Variants in PARD3 observed in about 807,000 individuals in gnomAD.
The protein encoded by PARD3 is partitioning defective 3 homolog.
Under a neutral mutation model 155.4 loss-of-function variants are expected in PARD3, and 75 were observed. That is an observed-to-expected ratio of 0.48 (90% CI 0.40 to 0.58). PARD3 has a LOEUF of 0.58. Ranked by LOEUF, PARD3 falls within the 20% of genes least tolerant of loss-of-function variation. The probability of loss-of-function intolerance (pLI) is 0.00; values close to 1 mark genes in which losing one functional copy is unlikely to be tolerated. For missense variants in PARD3, 1,642 were observed against 1,721.7 expected, an observed-to-expected ratio of 0.95 and a Z score of 0.82; for synonymous variants, 576 against 610.5, an observed-to-expected ratio of 0.94 and a Z score of 0.83.
At chr10:34,167,537 C>T (rs986789138) in intron 22 of PARD3, among the ~76,000 whole-genome samples, 2 of 151,004 alleles carry the variant, frequency 1.3e-5, no homozygotes, top group Non-Finnish European at 2.9e-5. Context: ...CCCCCAAAAC[C>T]CTCAAGTCCT....
In PARD3 at chr10:34,775,353, C is replaced by CA. The variant is rs762351400; in HGVS notation, c.120+39522dup. Reference sequence around the variant, plus strand: ...GCAACAAAGCAAGACCTCATCTCTGCAAAAAAACTAGCCAGGCATGGTGGT... The same window carrying CA: ...GCAACAAAGCAAGACCTCATCTCTGCAAAAAAAACTAGCCAGGCATGGTGGT... On this transcript the variant is annotated intron_variant, in intron 1 of 24. Coordinates refer to ENST00000374788, the MANE Select transcript of PARD3 (RefSeq NM_001184785.2). 7.2e-5 allele frequency among the ~76,000 whole-genome samples: 11 copies of CA among 151,952 alleles called. No homozygotes were observed. The East Asian group carries it at 2.1e-3, about 29-fold the overall frequency.
intron 2 of PARD3, among the ~76,000 whole-genome samples, chr10:34,606,738 G>T (rs895764608): frequency 6.6e-6 from 1 of 151,734 alleles, no homozygotes; most frequent in African/African-American, 2.4e-5. Context: ...GGGAGGCCAA[G>T]GCGGGCAGAT....
At chr10:34,699,097 G>C (rs1180242640) in intron 1 of PARD3, among the ~76,000 whole-genome samples, 1 of 152,112 alleles carries the variant, frequency 6.6e-6, no homozygotes, top group Non-Finnish European at 1.5e-5. Context: ...CCAACTAACT[G>C]ATCAAGGCTT....
chr10:34,125,095 C>T (rs1208313263), intron 23 of PARD3, among the ~76,000 whole-genome samples: 1 of 129,662 alleles, frequency 7.7e-6, no homozygotes, highest in Non-Finnish European at 1.5e-5. Flanking sequence ...GAGACGGAGT[C>T]TTGCTCTTGT....
intron 19 of PARD3, among the ~76,000 whole-genome samples, chr10:34,329,559 TCCTCATCCTGCAA>T (rs1279274780): frequency 1.3e-5 from 2 of 152,050 alleles, no homozygotes; most frequent in Non-Finnish European, 2.9e-5. Context: ...GTAAATATGC[TCCTCATCCTGCAA>T]GAATGGGCTG....
intron 1 of PARD3, among the ~76,000 whole-genome samples, chr10:34,721,636 G>A (rs904629668): frequency 2.6e-5 from 4 of 152,188 alleles, no homozygotes; most frequent in East Asian, 1.9e-4. Flanking sequence ...TCCACATTGC[G>A]AATCACACAC....
chr10:34,422,191 G>GATAATAT lies in PARD3; in HGVS notation c.715-20275_715-20274insATATTAT, dbSNP rs1376236598. Among the ~76,000 whole-genome samples the GATAATAT allele has an allele frequency of 7.8e-3, 1,183 of 152,084 alleles. 14 individuals are homozygous for GATAATAT. Among genetic ancestry groups the GATAATAT allele is most frequent in the African/African-American group, 0.027 (1,120 of 41,426 alleles). ...TATCATGGATTTTAAAGTTAGAAAG[G>GATAATAT]CTGAGATTTAAAGCCAAGGTATATT... On this transcript the variant is annotated intron_variant, in intron 5 of 24. Coordinates refer to ENST00000374788, the MANE Select transcript of PARD3 (RefSeq NM_001184785.2).
chr10:34,726,533 A>C (rs1255623419), intron 1 of PARD3, among the ~76,000 whole-genome samples: 1 of 152,186 alleles, frequency 6.6e-6, no homozygotes, highest in Non-Finnish European at 1.5e-5. Flanking sequence ...CAGTGAGCCA[A>C]GATTGTGCCA....
At chr10:34,800,978 C>T (rs1169912757) in intron 1 of PARD3, among the ~76,000 whole-genome samples, 1 of 152,170 alleles carries the variant, frequency 6.6e-6, no homozygotes. Context: ...TCTTCTGCCT[C>T]GGACTAAAAT....
intron 1 of PARD3, among the ~76,000 whole-genome samples, chr10:34,717,195 G>C (rs1022850152): frequency 6.6e-6 from 1 of 152,092 alleles, no homozygotes; most frequent in Non-Finnish European, 1.5e-5. Flanking sequence ...TGACTCTGTG[G>C]TTAAGTGGCC....
intron 1 of PARD3, among the ~76,000 whole-genome samples, chr10:34,744,114 C>G (rs1164769057): frequency 6.6e-6 from 1 of 152,190 alleles, no homozygotes; most frequent in Non-Finnish European, 1.5e-5. Flanking sequence ...GACCAGTCAC[C>G]ACGCTCCTCA....
chr10:34,779,348 G>A (rs191808829), intron 1 of PARD3, among the ~76,000 whole-genome samples: 2,545 of 144,776 alleles, frequency 0.018, 26 homozygotes, highest in Non-Finnish European at 0.029. Context: ...GGTGGCTCAC[G>A]CCTGTAATCC....
At chr10:34,637,908 T>C (rs897398984) in intron 2 of PARD3, among the ~76,000 whole-genome samples, 1 of 152,192 alleles carries the variant, frequency 6.6e-6, no homozygotes, top group African/African-American at 2.4e-5. Context: ...TACAAGCATG[T>C]TTACACAGTA....
intron 22 of PARD3, among the ~76,000 whole-genome samples, chr10:34,138,347 T>C (rs1385199071): frequency 6.6e-6 from 1 of 152,162 alleles, no homozygotes; most frequent in Non-Finnish European, 1.5e-5. Flanking sequence ...ATCTATTCAA[T>C]TGCTTAGGGT....
chr10:34,315,982 C>T (rs552186087), intron 20 of PARD3, among the ~76,000 whole-genome samples: 2 of 152,190 alleles, frequency 1.3e-5, no homozygotes, highest in East Asian at 3.9e-4. Flanking sequence ...AGCTGTGTAG[C>T]CTTCAGGCTG....
At chr10:34,170,313 T>C (rs1020427444) in intron 22 of PARD3, among the ~76,000 whole-genome samples, 1 of 152,156 alleles carries the variant, frequency 6.6e-6, no homozygotes, top group Non-Finnish European at 1.5e-5. Context: ...TCTAGAACTC[T>C]GGTGTCAAGC....
intron 1 of PARD3, among the ~76,000 whole-genome samples, chr10:34,735,298 T>C (rs370123266): frequency 2.6e-5 from 4 of 152,228 alleles, no homozygotes; most frequent in East Asian, 1.9e-4. Context: ...AGAGATGCTA[T>C]AGCACTAGTT....
At chr10:34,783,708 C>T (rs980856072) in intron 1 of PARD3, among the ~76,000 whole-genome samples, 1 of 149,380 alleles carries the variant, frequency 6.7e-6, no homozygotes, top group South Asian at 2.1e-4. Context: ...TCAACCACAT[C>T]ATAAAAACTT....
intron 1 of PARD3, among the ~76,000 whole-genome samples, chr10:34,770,263 G>A (rs1157094932): frequency 6.6e-6 from 1 of 152,162 alleles, no homozygotes; most frequent in Non-Finnish European, 1.5e-5. Context: ...TCCTGGTTAT[G>A]GCCAATCCAT....
Sources: allele counts gnomAD v4.1 joint callset (sites outside exome capture counted in the v4.1 genomes callset), GRCh38; gene constraint gnomAD v4.1.1; transcripts MANE v1.5; gene names NCBI Gene and HGNC (gene_info 2026-07-23, HGNC 2026-07-21).